WWOX: variants seen among roughly 807,000 people sequenced by gnomAD.
The protein encoded by WWOX is WW domain-containing oxidoreductase.
In WWOX, 69 loss-of-function variants were observed where a neutral mutation model predicts 46.2. The ratio of observed to expected loss-of-function variants is 1.49; its 90% CI spans 1.23 to 1.82. The LOEUF (loss-of-function observed/expected upper bound fraction) is 1.82, where lower values mean the gene tolerates loss of function less well. Ranked by LOEUF, WWOX falls within the 40% of genes most tolerant of loss-of-function variation. The probability of loss-of-function intolerance (pLI) is 0.00; values close to 1 mark genes in which losing one functional copy is unlikely to be tolerated. For missense variants in WWOX, 919 were observed against 542.6 expected (o/e 1.69, Z -6.89); for synonymous variants, 359 against 202.6 (o/e 1.77, Z -6.56).
Position 78,432,685 on chromosome 16 carries a change from A to G in WWOX, c.989A>G (p.Asn330Ser), listed in dbSNP as rs746833923. Residue 330 changes from asparagine to serine, a missense_variant, in exon 8 of 9, where the codon AAC (asparagine) becomes AGC (serine). Asn to Ser is a conservative substitution (Grantham distance 46, BLOSUM62 1). Transcript: ENST00000566780. ...CATCCTGGAAATATGATGTACTCCA[A>G]CATTCATCGCAGCTGGTGGGTGTAC... Reference protein sequence around the residue: ...AVHPGNMMYSNIHRSWWVYTL... With the variant: ...AVHPGNMMYSSIHRSWWVYTL... 7 of 1,614,056 alleles carry G rather than the reference A, an allele frequency of 4.3e-6. No homozygotes were observed. The highest frequency in any genetic ancestry group is 5.1e-6 in the Non-Finnish European group (6 of 1,180,040).
intron 8 of WWOX, among the ~76,000 whole-genome samples, chr16:79,107,448 A>G (rs1476759247): frequency 1.3e-5 from 2 of 152,152 alleles, no homozygotes; most frequent in African/African-American, 2.4e-5. Flanking sequence ...TTTCCCAGTT[A>G]TATCAATAAC....
intron 8 of WWOX, among the ~76,000 whole-genome samples, chr16:78,779,126 A>G (rs1385961250): frequency 6.6e-6 from 1 of 152,128 alleles, no homozygotes; most frequent in Non-Finnish European, 1.5e-5. Context: ...GTTGGAAAAC[A>G]TAAATGTGAC....
chr16:78,381,060 G>A (rs1291665693), intron 5 of WWOX, among the ~76,000 whole-genome samples: 3 of 152,126 alleles, frequency 2.0e-5, no homozygotes, highest in Non-Finnish European at 4.4e-5. Flanking sequence ...AAGTCAAGTT[G>A]CCAGTGCATT....
At chr16:78,447,381 C>T (rs1038977669) in intron 8 of WWOX, among the ~76,000 whole-genome samples, 5 of 152,170 alleles carry the variant, frequency 3.3e-5, no homozygotes, top group African/African-American at 9.7e-5. Flanking sequence ...ATTTCTACAT[C>T]CTGCAGAAGT....
At chr16:78,591,863 CTG>C (rs2045359976) in intron 8 of WWOX, among the ~76,000 whole-genome samples, 1 of 152,194 alleles carries the variant, frequency 6.6e-6, no homozygotes. Flanking sequence ...AGTGCAGCCT[CTG>C]TGAGCTACCA....
chr16:78,551,266 A>G (rs569066394), intron 8 of WWOX: 55 of 152,288 alleles, frequency 3.6e-4, no homozygotes, highest in East Asian at 3.3e-3. Flanking sequence ...GCATGCTCCT[A>G]TATCTTTTTT....
chr16:78,191,134 C>T lies in WWOX; in HGVS notation c.516+26845C>T, dbSNP rs1284044976. Among the ~76,000 whole-genome samples the T allele has an allele frequency of 3.9e-5, 6 of 152,200 alleles. No individual in the cohort carries two copies. In the East Asian group the frequency reaches 1.2e-3, roughly 29 times the overall value. On this transcript the variant is annotated intron_variant, in intron 5 of 8. Transcript: ENST00000566780. ...GATGATGCCGCTGGACCACTGGATC[C>T]AGCTGGACCGCTAGACCACAGAGCC...
intron 8 of WWOX, among the ~76,000 whole-genome samples, chr16:78,578,622 C>T (rs536249298): frequency 2.6e-5 from 4 of 151,986 alleles, no homozygotes; most frequent in East Asian, 3.9e-4. Context: ...CATACACACA[C>T]GCACACACCA....
chr16:79,081,535 C>G (rs984098728), intron 8 of WWOX, among the ~76,000 whole-genome samples: 1 of 152,182 alleles, frequency 6.6e-6, no homozygotes, highest in African/African-American at 2.4e-5. Context: ...ACTTTGGAAT[C>G]AAACATTCTC....
At chr16:78,832,906 C>A (rs560548460) in intron 8 of WWOX, among the ~76,000 whole-genome samples, 5 of 152,284 alleles carry the variant, frequency 3.3e-5, no homozygotes, top group African/African-American at 1.2e-4. Context: ...TTATTTTTCT[C>A]TCTGAAAGTA....
chr16:78,752,928 G>C (rs2049522338), intron 8 of WWOX, among the ~76,000 whole-genome samples: 1 of 152,216 alleles, frequency 6.6e-6, no homozygotes, highest in Non-Finnish European at 1.5e-5. Context: ...GCACACTCCA[G>C]CTTAAATATC....
intron 8 of WWOX, among the ~76,000 whole-genome samples, chr16:79,184,704 T>C (rs1005987462): frequency 6.6e-6 from 1 of 152,196 alleles, no homozygotes; most frequent in African/African-American, 2.4e-5. Flanking sequence ...ATTTTCCACC[T>C]TTCCCAGAAG....
chr16:79,203,172 A>C (rs1280550232), intron 8 of WWOX: 4 of 152,182 alleles, frequency 2.6e-5, no homozygotes, highest in Non-Finnish European at 5.9e-5. Flanking sequence ...CTGTGAAGAG[A>C]TCTCTCTGTG....
intron 8 of WWOX, among the ~76,000 whole-genome samples, chr16:79,072,289 C>G (rs556663077): frequency 6.6e-6 from 1 of 151,982 alleles, no homozygotes. Context: ...GTCCCCCCAA[C>G]CCCCCAAAAA....
intron 8 of WWOX, among the ~76,000 whole-genome samples, chr16:79,134,221 A>G (rs966904117): frequency 1.3e-5 from 2 of 152,082 alleles, no homozygotes; most frequent in Non-Finnish European, 2.9e-5. Context: ...AAAGAATCCA[A>G]TTTGTTATAA....
chr16:79,032,520 A>T (rs2047783666), intron 8 of WWOX, among the ~76,000 whole-genome samples: 1 of 148,242 alleles, frequency 6.7e-6, no homozygotes, highest in African/African-American at 2.5e-5. Context: ...GCTAATATAT[A>T]TACACAATAG....
intron 8 of WWOX, among the ~76,000 whole-genome samples, chr16:79,065,629 T>C (rs2048427523): frequency 6.6e-6 from 1 of 152,232 alleles, no homozygotes; most frequent in South Asian, 2.1e-4. Flanking sequence ...TCTTGTGACC[T>C]CCTATGCCTA....
chr16:78,863,916 T>A (rs906678068), intron 8 of WWOX, among the ~76,000 whole-genome samples: 1 of 152,246 alleles, frequency 6.6e-6, no homozygotes, highest in Middle Eastern at 3.4e-3. Flanking sequence ...TCAGCCACAG[T>A]TGTAGCATGT....
intron 5 of WWOX, among the ~76,000 whole-genome samples, chr16:78,193,740 T>A (rs1296012657): frequency 6.6e-6 from 1 of 152,134 alleles, no homozygotes; most frequent in Non-Finnish European, 1.5e-5. Context: ...AAAACTAATT[T>A]GGGATTTTTG....
Sources: allele counts gnomAD v4.1 joint callset (sites outside exome capture counted in the v4.1 genomes callset), GRCh38; gene constraint gnomAD v4.1.1; transcripts MANE v1.5; gene names NCBI Gene and HGNC (gene_info 2026-07-23, HGNC 2026-07-21).